Variants in LGSN observed in about 807,000 individuals in gnomAD.
LGSN encodes lengsin, lens protein with glutamine synthetase domain.
A neutral mutation model predicts 19.5 loss-of-function variants in LGSN; 21 were observed. The observed-to-expected ratio is 1.07, with a 90% CI of 0.76 to 1.55. The LOEUF (loss-of-function observed/expected upper bound fraction) is 1.55. Among genes scored for constraint, LGSN ranks in the 40% most tolerant of loss-of-function variants. The probability of loss-of-function intolerance (pLI) is 0.00; values close to 1 mark genes in which losing one functional copy is unlikely to be tolerated. For missense variants in LGSN, 673 were observed against 608.5 expected (o/e 1.11, Z -1.12); for synonymous variants, 257 against 215.6 (o/e 1.19, Z -1.68).
In LGSN at chr6:63,279,301, C is replaced by T. The variant is rs536389397; in HGVS notation, c.*720G>A. 15 of 152,312 alleles carry T rather than the reference C, an allele frequency of 9.8e-5. No individual in the cohort carries two copies. Among genetic ancestry groups the T allele is most frequent in the African/African-American group, 3.6e-4 (15 of 41,564 alleles). The allele number at this position is 152,312 out of a possible 1,614,324, so 9.4% of individuals were successfully genotyped here. ...TTGTGTATTGAACTTCTATATGAGG[C>T]ATTGTTAAAAGAAAGGCTTTAACTA... On this transcript the variant is annotated 3_prime_UTR_variant, in exon 4 of 4. Transcript: ENST00000370657.
the LGSN span, among the ~76,000 whole-genome samples, chr6:63,567,834 A>G: frequency 1.3e-5 from 2 of 152,234 alleles, no homozygotes; most frequent in Non-Finnish European, 2.9e-5. Context: ...GTTCTTGGCT[A>G]AATCTTCTCA....
At chr6:63,541,519 C>T in the LGSN span, among the ~76,000 whole-genome samples, 2 of 152,174 alleles carry the variant, frequency 1.3e-5, no homozygotes, top group Non-Finnish European at 2.9e-5. Flanking sequence ...CGCCATTGCA[C>T]TCCAGCCTGG....
At chr6:63,376,338 C>T in the LGSN span, among the ~76,000 whole-genome samples, 1 of 152,146 alleles carries the variant, frequency 6.6e-6, no homozygotes, top group Non-Finnish European at 1.5e-5. Context: ...TAATAAACAC[C>T]AGGAGTACTA....
chr6:63,391,198 T>C, the LGSN span, among the ~76,000 whole-genome samples: 1 of 152,240 alleles, frequency 6.6e-6, no homozygotes. Flanking sequence ...TTATTTGCAA[T>C]GTATAAATGT....
At chr6:63,417,879 T>C in the LGSN span, among the ~76,000 whole-genome samples, 9 of 152,218 alleles carry the variant, frequency 5.9e-5, 1 homozygote, top group South Asian at 1.5e-3. Flanking sequence ...TAATGATATA[T>C]GCCAATAAGA....
At chr6:63,441,715 C>G in the LGSN span, 1 of 421,588 alleles carries the variant, frequency 2.4e-6, no homozygotes, top group South Asian at 2.0e-5. Context: ...TCATACCTAC[C>G]AAGGAAACAA....
chr6:63,287,790 A>G (rs1767603139), intron 2 of LGSN, among the ~76,000 whole-genome samples: 1 of 152,160 alleles, frequency 6.6e-6, no homozygotes, highest in Non-Finnish European at 1.5e-5. Context: ...TATAAAGAAG[A>G]CATCTCCTAT....
At chr6:63,541,661 A>G in the LGSN span, among the ~76,000 whole-genome samples, 1 of 152,132 alleles carries the variant, frequency 6.6e-6, no homozygotes, top group East Asian at 1.9e-4. Flanking sequence ...TGAACTTACC[A>G]TATATTTCAC....
chr6:63,391,667 T>A, the LGSN span, among the ~76,000 whole-genome samples: 1 of 152,216 alleles, frequency 6.6e-6, no homozygotes, highest in Non-Finnish European at 1.5e-5. Context: ...TTACGGTTAG[T>A]CAACATCCAA....
the LGSN span, among the ~76,000 whole-genome samples, chr6:63,495,947 G>A: frequency 6.6e-6 from 1 of 151,646 alleles, no homozygotes; most frequent in Non-Finnish European, 1.5e-5. Flanking sequence ...AAAAAAAAAA[G>A]ACAGAGTCTC....
the LGSN span, among the ~76,000 whole-genome samples, chr6:63,446,099 A>C: frequency 6.6e-6 from 1 of 152,058 alleles, no homozygotes; most frequent in Non-Finnish European, 1.5e-5. Context: ...AAATACAAAA[A>C]TTAGCCGGGC....
intron 3 of LGSN, 21 bp downstream of exon 3, chr6:63,285,566 T>A (rs377584886): frequency 2.9e-5 from 46 of 1,591,194 alleles, no homozygotes; most frequent in Non-Finnish European, 3.4e-5. Flanking sequence ...TTACATTTAG[T>A]CACAACTGTG....
rs1284072572 is a variant in LGSN at position 63,276,109 on chromosome 6, T to G, written c.*3912A>C. ...TTAAAGACACAAATTCTTACCCCTG[T>G]CATAGAAAACCCAAGGTTAAAGGTA... On this transcript the variant is annotated 3_prime_UTR_variant, in exon 4 of 4. Coordinates refer to ENST00000370657, the MANE Select transcript of LGSN (RefSeq NM_016571.3). The G allele has an allele frequency of 1.3e-5, 2 of 152,202 alleles. No individual in the cohort carries two copies. Among genetic ancestry groups the G allele is most frequent in the East Asian group, 3.8e-4 (2 of 5,200 alleles). The allele number at this position is 152,202 out of a possible 1,614,324, so 9.4% of individuals were successfully genotyped here.
At chr6:63,337,813 C>T in the LGSN span, among the ~76,000 whole-genome samples, 1 of 151,926 alleles carries the variant, frequency 6.6e-6, no homozygotes, top group Non-Finnish European at 1.5e-5. Context: ...CAAAAACAAA[C>T]AACAAAAATA....
chr6:63,542,026 T>C, the LGSN span, among the ~76,000 whole-genome samples: 1 of 85,608 alleles, frequency 1.2e-5, no homozygotes. Context: ...AACTGTGGTG[T>C]GTGTGTGTGT....
chr6:63,448,579 T>C, the LGSN span, among the ~76,000 whole-genome samples: 4 of 151,902 alleles, frequency 2.6e-5, no homozygotes, highest in African/African-American at 9.7e-5. Context: ...AACCCCTAAG[T>C]ATTATACACC....
chr6:63,455,659 C>A, the LGSN span, among the ~76,000 whole-genome samples: 5 of 152,154 alleles, frequency 3.3e-5, no homozygotes, highest in African/African-American at 1.2e-4. Context: ...GAGGCTGAGT[C>A]AGGAGAATCA....
At chr6:63,292,750 C>A (rs1349122794) in intron 2 of LGSN, among the ~76,000 whole-genome samples, 1 of 152,226 alleles carries the variant, frequency 6.6e-6, no homozygotes, top group Non-Finnish European at 1.5e-5. Context: ...CTTGCCTGGA[C>A]TGCCCATGGC....
the LGSN span, among the ~76,000 whole-genome samples, chr6:63,529,713 G>T: frequency 1.3e-5 from 2 of 152,288 alleles, no homozygotes; most frequent in East Asian, 1.9e-4. Context: ...GGAGGAAAAG[G>T]TTATGCATTT....
Sources: gnomAD v4.1 joint callset for allele counts (sites outside exome capture counted in the v4.1 genomes callset) on GRCh38, gnomAD v4.1.1 for gene constraint, MANE v1.5 for transcripts, NCBI Gene and HGNC (gene_info 2026-07-23, HGNC 2026-07-21) for gene names.